Variants in DEFB104A observed in about 807,000 individuals in gnomAD.
DEFB104A encodes the protein defensin beta 104A.
At chr8:7,839,098 C>T (rs868767605) in intron 1 of DEFB104A, among the ~76,000 whole-genome samples, 1 of 144,376 alleles carries the variant, frequency 6.9e-6, no homozygotes, top group Non-Finnish European at 1.6e-5. Flanking sequence ...CCAGCTTTGA[C>T]ACATAAGTTG....
At chr8:7,839,197 A>G (rs1239799395) in intron 1 of DEFB104A, among the ~76,000 whole-genome samples, 1 of 145,842 alleles carries the variant, frequency 6.9e-6, no homozygotes, top group Non-Finnish European at 1.5e-5. Flanking sequence ...TTTGAAACTG[A>G]CAGTCTAACA....
At chr8:7,839,401 C>T (rs1269974852) in intron 1 of DEFB104A, among the ~76,000 whole-genome samples, 9 of 144,522 alleles carry the variant, frequency 6.2e-5, no homozygotes, top group African/African-American at 2.2e-4. Context: ...ATACACACTG[C>T]AGCCCACCTC....
chr8:7,836,475 C>T lies in DEFB104A; in HGVS notation c.-10C>T. 1 of 1,429,552 alleles carries T rather than the reference C, an allele frequency of 7.0e-7. No homozygotes were observed. The highest frequency in any genetic ancestry group is 1.4e-5 in the South Asian group (1 of 73,364). The allele number at this position is 1,429,552 out of a possible 1,614,324, so 88.6% of individuals were successfully genotyped here. On this transcript the variant is annotated 5_prime_UTR_variant, in exon 1 of 2. Transcript: ENST00000314265. ...ACTTGCGTCTGCTTCTCGCCAGCAG[C>T]CCCAGCATTATGCAGAGACTTGTGC...
chr8:7,837,013 C>G (rs1817663082), intron 1 of DEFB104A, among the ~76,000 whole-genome samples: 1 of 142,538 alleles, frequency 7.0e-6, no homozygotes, highest in Non-Finnish European at 1.5e-5. Flanking sequence ...CTTTTCATAT[C>G]AAGTCAGATG....
chr8:7,839,487 C>A (rs1236561005), intron 1 of DEFB104A, among the ~76,000 whole-genome samples: 2 of 120,310 alleles, frequency 1.7e-5, no homozygotes, highest in East Asian at 4.9e-4. Context: ...AACAGTCTTT[C>A]CTCATCACCC....
At chr8:7,836,890 CA>C (rs1441372607) in intron 1 of DEFB104A, among the ~76,000 whole-genome samples, 2 of 142,074 alleles carry the variant, frequency 1.4e-5, no homozygotes, top group Non-Finnish European at 3.1e-5. Flanking sequence ...AGGGCAACAG[CA>C]ATTATTCATT....
chr8:7,840,996 GT>G lies in DEFB104A; in HGVS notation c.59-37del. 5 of 1,608,974 alleles carry G rather than the reference GT, an allele frequency of 3.1e-6. No individual in the cohort carries two copies. In the South Asian group the frequency reaches 5.5e-5, roughly 18 times the overall value. Reference sequence around the variant, plus strand: ...ACCAAAGCCTTGCCTTTTGGTGCCAGTAAGCAATTAATGACAGTGCCATATC... The same window carrying G: ...ACCAAAGCCTTGCCTTTTGGTGCCAGAAGCAATTAATGACAGTGCCATATC... On this transcript the variant is annotated intron_variant, in intron 1 of 1. Transcript: ENST00000314265.
At chr8:7,837,011 A>G (rs1300875161) in intron 1 of DEFB104A, among the ~76,000 whole-genome samples, 1 of 142,536 alleles carries the variant, frequency 7.0e-6, no homozygotes, top group Non-Finnish European at 1.5e-5. Flanking sequence ...AACTTTTCAT[A>G]TCAAGTCAGA....
chr8:7,841,168 A>AAAAT lies in DEFB104A; in HGVS notation c.193_194insAAAT (p.Ser65LysfsTer18). On this transcript the variant is annotated frameshift_variant, in exon 2 of 2. Transcript: ENST00000314265. LOFTEE classifies it high-confidence loss of function. ...ATGCTGTTTGAGAAAATGGGATGAG[A>AAAAT]GCTTACTGAATCGTACAAAACCCTG... 1 of 1,453,296 alleles carries AAAAT rather than the reference A, an allele frequency of 6.9e-7. No homozygotes were observed. The highest frequency in any genetic ancestry group is 9.5e-7 in the Non-Finnish European group (1 of 1,055,250). The allele number at this position is 1,453,296 out of a possible 1,614,324, so 90.0% of individuals were successfully genotyped here.
At chr8:7,838,516 C>T (rs1449912011) in intron 1 of DEFB104A, among the ~76,000 whole-genome samples, 6 of 118,156 alleles carry the variant, frequency 5.1e-5, no homozygotes, top group Non-Finnish European at 9.3e-5. Flanking sequence ...CTCGTCTCTA[C>T]TAAAAATACA....
At chr8:7,837,643 C>G (rs1436868023) in intron 1 of DEFB104A, among the ~76,000 whole-genome samples, 1 of 143,802 alleles carries the variant, frequency 7.0e-6, no homozygotes, top group East Asian at 2.1e-4. Flanking sequence ...AGACAAAGAA[C>G]TTGGGATGGA....
chr8:7,840,134 T>C (rs1356630799), intron 1 of DEFB104A, among the ~76,000 whole-genome samples: 1 of 151,132 alleles, frequency 6.6e-6, no homozygotes, highest in Non-Finnish European at 1.5e-5. Context: ...CCTCTCTACT[T>C]GCAACCACTC....
At chr8:7,839,174 C>T (rs1817708462) in intron 1 of DEFB104A, among the ~76,000 whole-genome samples, 1 of 145,780 alleles carries the variant, frequency 6.9e-6, no homozygotes, top group African/African-American at 2.5e-5. Flanking sequence ...AATAGATGGC[C>T]TGTGAGGGCT....
intron 1 of DEFB104A, 149 bp downstream of exon 1, chr8:7,836,691 T>G: frequency 5.5e-6 from 7 of 1,262,870 alleles, no homozygotes; most frequent in African/African-American, 1.6e-5. Flanking sequence ...ATTGGGTCCA[T>G]TAGTAAAATG....
intron 1 of DEFB104A, among the ~76,000 whole-genome samples, chr8:7,837,132 G>T (rs1817665353): frequency 7.1e-6 from 1 of 140,784 alleles, no homozygotes; most frequent in Non-Finnish European, 1.5e-5. Flanking sequence ...AGACTGAGAT[G>T]TCAGCAATCT....
At chr8:7,839,412 A>C (rs1817714894) in intron 1 of DEFB104A, among the ~76,000 whole-genome samples, 1 of 142,204 alleles carries the variant, frequency 7.0e-6, no homozygotes, top group Non-Finnish European at 1.6e-5. Flanking sequence ...AGCCCACCTC[A>C]CTCCTTTCTT....
chr8:7,838,756 T>C lies in DEFB104A; in HGVS notation c.58+2214T>C, dbSNP rs1359016082. 2.8e-5 allele frequency among the ~76,000 whole-genome samples: 4 copies of C among 141,346 alleles called. 1 individual carries two copies. Among genetic ancestry groups the C allele is most frequent in the African/African-American group, 1.0e-4 (4 of 39,518 alleles). 92.7% of individuals were successfully genotyped at this position (141,346 alleles called of 152,430 possible). A position where few individuals can be genotyped will look rare whatever the true frequency, so the allele number is the denominator to read the frequency against. ...TCTTGATTGATGTATTATGTCTCCC[T>C]AAAATGTATAAAACCAAGCAAGCTG... On this transcript the variant is annotated intron_variant, in intron 1 of 1. Transcript: ENST00000314265.
intron 1 of DEFB104A, among the ~76,000 whole-genome samples, chr8:7,839,547 A>G (rs1359145216): frequency 5.9e-5 from 3 of 50,988 alleles, no homozygotes; most frequent in African/African-American, 1.1e-4. Context: ...TATCCAGCAC[A>G]TGAATTGGTC....
At chr8:7,838,638 C>T (rs1233878604) in intron 1 of DEFB104A, among the ~76,000 whole-genome samples, 2 of 146,024 alleles carry the variant, frequency 1.4e-5, no homozygotes, top group Non-Finnish European at 3.1e-5. Context: ...TGAGATCGTG[C>T]CATTGCACTC....
Sources: gnomAD v4.1 joint callset for allele counts (sites outside exome capture counted in the v4.1 genomes callset) on GRCh38, gnomAD v4.1.1 for gene constraint, MANE v1.5 for transcripts, NCBI Gene and HGNC (gene_info 2026-07-23, HGNC 2026-07-21) for gene names.